The following LYRM4 variants were observed in gnomAD, a reference collection of about 807,000 sequenced individuals.
LYRM4 encodes the protein LYR motif containing 4, also known as LYR motif-containing protein 4.
LYRM4 carries 9 observed loss-of-function variants against 11.7 expected under a neutral mutation model. The observed-to-expected ratio is 0.77, with a 90% CI of 0.46 to 1.34. The LOEUF is 1.34. Ranked by LOEUF, LYRM4 falls within the 40% of genes most tolerant of loss-of-function variation. The pLI is 0.00. For missense variants in LYRM4, 133 were observed against 112.5 expected, an observed-to-expected ratio of 1.18 and a Z score of -0.82; for synonymous variants, 42 against 40.4, an observed-to-expected ratio of 1.04 and a Z score of -0.15.
At chr6:5,225,015 G>A (rs554592321) in intron 1 of LYRM4, among the ~76,000 whole-genome samples, 9 of 152,052 alleles carry the variant, frequency 5.9e-5, no homozygotes, top group Admixed American at 2.0e-4. Flanking sequence ...TTGGGAGGCC[G>A]AGGCAGGCGG....
At chr6:5,242,400 C>T (rs1763938565) in intron 1 of LYRM4, among the ~76,000 whole-genome samples, 1 of 150,472 alleles carries the variant, frequency 6.6e-6, no homozygotes, top group Non-Finnish European at 1.5e-5. Flanking sequence ...AGAGTTCCTA[C>T]TCTAGGCAAA....
chr6:5,107,490 G>A (rs951712253), downstream of LYRM4: 1 of 152,266 alleles, frequency 6.6e-6, no homozygotes, highest in Non-Finnish European at 1.5e-5. Context: ...ACTGATGCAA[G>A]GTGGAAAACC....
rs1310964413 is a variant in LYRM4, at chr6:5,258,922, G to T, written c.86+1726C>A. Among the ~76,000 whole-genome samples the T allele has an allele frequency of 2.6e-5, 4 of 152,130 alleles. No homozygotes were observed. In the East Asian group the frequency reaches 5.8e-4, roughly 22 times the overall value. On this transcript the variant is annotated intron_variant, in intron 1 of 2. Coordinates refer to ENST00000330636, the MANE Select transcript of LYRM4 (RefSeq NM_020408.6). ...GTTGAGTTTCGTGAATGATTTTCCT[G>T]TTCAGTTGGCAATTACTCATTTGAA...
intron 2 of LYRM4, among the ~76,000 whole-genome samples, chr6:5,159,240 C>A (rs1257467711): frequency 1.3e-5 from 2 of 152,270 alleles, no homozygotes; most frequent in East Asian, 3.9e-4. Flanking sequence ...GGGTGTCATC[C>A]CCACTCAGGA....
At chr6:5,104,609 C>A (rs1045894293), downstream of LYRM4, 23 of 152,152 alleles carry the variant, frequency 1.5e-4, no homozygotes, top group African/African-American at 5.6e-4. Flanking sequence ...AATGGATAAA[C>A]AATTTCCTGG....
chr6:5,037,797 G>A, the LYRM4 span, among the ~76,000 whole-genome samples: 3 of 61,786 alleles, frequency 4.9e-5, no homozygotes, highest in South Asian at 1.5e-3. Context: ...CGGACGGGGC[G>A]GCTGGCCGGG....
At chr6:5,260,282 GA>G in intron 1 of LYRM4, among the ~76,000 whole-genome samples, 1 of 152,320 alleles carries the variant, frequency 6.6e-6, no homozygotes, top group East Asian at 1.9e-4. Context: ...GTGCTCAAGG[GA>G]AGTTTTACAT....
chr6:5,142,453 C>T (rs200862), intron 2 of LYRM4, among the ~76,000 whole-genome samples: 121,936 of 152,110 alleles, frequency 0.8, 49,053 homozygotes, highest in East Asian at 0.92. Flanking sequence ...GCAACACAAG[C>T]CCCCCTCGCC....
chr6:5,078,789 A>G, the LYRM4 span, among the ~76,000 whole-genome samples: 1 of 152,180 alleles, frequency 6.6e-6, no homozygotes, highest in Non-Finnish European at 1.5e-5. Context: ...TTATAAGGGC[A>G]TTTTTCTTGA....
intron 2 of LYRM4, among the ~76,000 whole-genome samples, chr6:5,180,396 C>T (rs1760000361): frequency 6.6e-6 from 1 of 152,178 alleles, no homozygotes; most frequent in South Asian, 2.1e-4. Context: ...CATTTTTAGG[C>T]TCAGCATCTA....
intron 2 of LYRM4, among the ~76,000 whole-genome samples, chr6:5,120,387 G>GT (rs1241084826): frequency 1.3e-5 from 2 of 152,198 alleles, no homozygotes; most frequent in Admixed American, 6.5e-5. Context: ...TGTGCCCGGA[G>GT]TTTGTTCCTT....
At chr6:5,125,478 G>GT (rs1331660745) in intron 2 of LYRM4, among the ~76,000 whole-genome samples, 1 of 152,174 alleles carries the variant, frequency 6.6e-6, no homozygotes, top group Non-Finnish European at 1.5e-5. Flanking sequence ...AGTGCCTCGC[G>GT]TGGTGCCTCA....
At chr6:5,039,431 C>G in the LYRM4 span, among the ~76,000 whole-genome samples, 1 of 152,082 alleles carries the variant, frequency 6.6e-6, no homozygotes, top group Non-Finnish European at 1.5e-5. Flanking sequence ...TTTTTTAGAA[C>G]AATGAAGAGC....
chr6:5,090,418 T>A, the LYRM4 span, among the ~76,000 whole-genome samples: 2 of 152,040 alleles, frequency 1.3e-5, no homozygotes, highest in African/African-American at 4.8e-5. The surrounding 1 kb of genome is among the most constrained non-coding windows in gnomAD (Gnocchi z 4.8). Context: ...AAGACTTAAC[T>A]AGGGAGGGTA....
At chr6:5,085,507 C>T in the LYRM4 span, 25 of 1,537,274 alleles carry the variant, frequency 1.6e-5, no homozygotes, top group Non-Finnish European at 2.1e-5. Context: ...AGGGGCGCGG[C>T]TAAGTTTGGA....
At chr6:5,061,710 G>A in the LYRM4 span, among the ~76,000 whole-genome samples, 1 of 152,174 alleles carries the variant, frequency 6.6e-6, no homozygotes, top group Admixed American at 6.5e-5. Flanking sequence ...GCAACAGGAA[G>A]TCTTGTACTG....
chr6:5,174,489 A>G (rs1305922627), intron 2 of LYRM4, among the ~76,000 whole-genome samples: 7 of 152,164 alleles, frequency 4.6e-5, no homozygotes. Context: ...TCGAGTTTCA[A>G]AATGAAAGGG....
Position 5,178,634 on chromosome 6 carries a change from T to C in LYRM4, c.207+37984A>G, listed in dbSNP as rs750351866. Among the ~76,000 whole-genome samples, 194 of 149,848 alleles carry C rather than the reference T, an allele frequency of 1.3e-3. 1 individual carries two copies. Among genetic ancestry groups the C allele is most frequent in the African/African-American group, 4.2e-3 (173 of 41,088 alleles). On this transcript the variant is annotated intron_variant, in intron 2 of 2. Coordinates refer to ENST00000330636, the MANE Select transcript of LYRM4 (RefSeq NM_020408.6). ...TTTGAGACCAGCCTGACCAACATGG[T>C]GAAACCCTGTCTCTATAAAAACACA...
At chr6:5,158,473 GTTTTT>G in intron 2 of LYRM4, among the ~76,000 whole-genome samples, 1 of 128,556 alleles carries the variant, frequency 7.8e-6, no homozygotes, top group Non-Finnish European at 1.6e-5. Flanking sequence ...TGGTCTCCAC[GTTTTT>G]TTTTTTTTTT....
Sources: allele counts gnomAD v4.1 joint callset (sites outside exome capture counted in the v4.1 genomes callset), GRCh38; gene constraint gnomAD v4.1.1; non-coding constraint Gnocchi (gnomAD v3.1); transcripts MANE v1.5; gene names NCBI Gene and HGNC (gene_info 2026-07-23, HGNC 2026-07-21).